Variants in NRXN1 observed in about 807,000 individuals in gnomAD.
The protein encoded by NRXN1 is neurexin 1.
A neutral mutation model predicts 150.9 loss-of-function variants in NRXN1; 39 were observed. That is an observed-to-expected ratio of 0.26 (90% CI 0.20 to 0.34). The LOEUF is 0.34. Among genes scored for constraint, NRXN1 ranks in the 10% least tolerant of loss-of-function variants. NRXN1 has a pLI of 1.00. For missense variants in NRXN1, 1,815 were observed against 1,949.9 expected (o/e 0.93, Z 1.30); for synonymous variants, 924 against 757.0 (o/e 1.22, Z -3.62).
At chr2:50,751,275 C>T (rs1224980814) in intron 5 of NRXN1, among the ~76,000 whole-genome samples, 1 of 151,988 alleles carries the variant, frequency 6.6e-6, no homozygotes, top group Non-Finnish European at 1.5e-5. Flanking sequence ...TTACATACTA[C>T]TATATACAGC....
At chr2:50,100,550 G>A (rs1302945278) in intron 18 of NRXN1, among the ~76,000 whole-genome samples, 1 of 151,970 alleles carries the variant, frequency 6.6e-6, no homozygotes, top group African/African-American at 2.4e-5. Flanking sequence ...GCCAATACTG[G>A]ATTATTCTTT....
intron 17 of NRXN1, among the ~76,000 whole-genome samples, chr2:50,290,525 T>C (rs572158057): frequency 1.3e-5 from 2 of 152,258 alleles, no homozygotes; most frequent in South Asian, 4.1e-4. Context: ...TTCTTTCTTA[T>C]TAATAAACTG....
At chr2:50,425,332 C>A (rs182388317) in intron 17 of NRXN1, among the ~76,000 whole-genome samples, 1 of 152,132 alleles carries the variant, frequency 6.6e-6, no homozygotes, top group Non-Finnish European at 1.5e-5. Context: ...TTAACCTACA[C>A]GTCTGGATAT....
At chr2:50,203,896 T>G (rs1211863907) in intron 18 of NRXN1, among the ~76,000 whole-genome samples, 1 of 152,122 alleles carries the variant, frequency 6.6e-6, no homozygotes, top group Non-Finnish European at 1.5e-5. Flanking sequence ...TGAGTTTTCC[T>G]GGGGAAAAAC....
chr2:51,015,948 C>T (rs1052120548), intron 2 of NRXN1, among the ~76,000 whole-genome samples: 2 of 152,024 alleles, frequency 1.3e-5, no homozygotes, highest in African/African-American at 4.8e-5. Context: ...AAGCTGGAGG[C>T]ATCAAGCTAC....
chr2:50,391,822 AT>A (rs1391660418), intron 17 of NRXN1, among the ~76,000 whole-genome samples: 1 of 152,128 alleles, frequency 6.6e-6, no homozygotes, highest in African/African-American at 2.4e-5. Flanking sequence ...ATTGAAAGTA[AT>A]TTCCTCAATT....
chr2:50,897,374 G>T (rs1374052277), intron 5 of NRXN1, among the ~76,000 whole-genome samples: 1 of 152,072 alleles, frequency 6.6e-6, no homozygotes, highest in African/African-American at 2.4e-5. Context: ...AGTGATACCA[G>T]GACCATTCTA....
chr2:50,143,706 G>C (rs1707597976), intron 18 of NRXN1, among the ~76,000 whole-genome samples: 1 of 151,746 alleles, frequency 6.6e-6, no homozygotes. Context: ...TCCATAGTCT[G>C]GCTTTACCCT....
chr2:50,766,445 G>C (rs781053688), intron 5 of NRXN1, among the ~76,000 whole-genome samples: 1 of 152,024 alleles, frequency 6.6e-6, no homozygotes, highest in African/African-American at 2.4e-5. Context: ...CTCAGTGATT[G>C]GCAGGAGCTT....
intron 17 of NRXN1, among the ~76,000 whole-genome samples, chr2:50,329,657 ATATATATATATATATAT>A (rs1465816975): frequency 0.016 from 276 of 17,394 alleles, 20 homozygotes; most frequent in East Asian, 0.029. Flanking sequence ...ATATATATAT[ATATATATATATATATAT>A]TTTTTTTTTT....
intron 5 of NRXN1, among the ~76,000 whole-genome samples, chr2:50,907,191 A>C (rs917098407): frequency 9.9e-5 from 15 of 151,942 alleles, no homozygotes; most frequent in African/African-American, 3.6e-4. Flanking sequence ...AAAACCAAAA[A>C]AAAAAACAAA....
At chr2:50,423,671 C>A (rs2084184598) in intron 17 of NRXN1, among the ~76,000 whole-genome samples, 1 of 151,906 alleles carries the variant, frequency 6.6e-6, no homozygotes. Flanking sequence ...AGATAACCCA[C>A]CCACCAAGAG....
At chr2:50,142,298 T>G (rs1283538640) in intron 18 of NRXN1, among the ~76,000 whole-genome samples, 1 of 151,762 alleles carries the variant, frequency 6.6e-6, no homozygotes, top group Non-Finnish European at 1.5e-5. Flanking sequence ...TACCAGAGGC[T>G]GAGAAGGGTG....
At chr2:49,935,971 G>A (rs1670955922) in intron 22 of NRXN1, among the ~76,000 whole-genome samples, 1 of 152,150 alleles carries the variant, frequency 6.6e-6, no homozygotes, top group Non-Finnish European at 1.5e-5. Context: ...CAGGACATGT[G>A]CCATACTGTT....
intron 18 of NRXN1, among the ~76,000 whole-genome samples, chr2:50,184,312 A>G (rs2060927432): frequency 6.6e-6 from 1 of 152,030 alleles, no homozygotes; most frequent in Admixed American, 6.6e-5. Context: ...AGACATTTTC[A>G]GGGCCGAAAT....
intron 21 of NRXN1, among the ~76,000 whole-genome samples, chr2:50,036,014 C>T (rs1164150323): frequency 3.3e-5 from 5 of 152,090 alleles, no homozygotes; most frequent in Admixed American, 2.6e-4. Context: ...ATGAATAGCA[C>T]AACCTTTACC....
intron 5 of NRXN1, among the ~76,000 whole-genome samples, chr2:50,878,488 T>C (rs1678942223): frequency 6.6e-6 from 1 of 151,966 alleles, no homozygotes; most frequent in Non-Finnish European, 1.5e-5. Context: ...GTTTCTATTT[T>C]GTTTTTGTTT....
At chr2:50,596,863 C>CTTTTTTTTTTTTTTT (rs3053104) in intron 8 of NRXN1, among the ~76,000 whole-genome samples, 2 of 92,152 alleles carry the variant, frequency 2.2e-5, no homozygotes, top group Admixed American at 1.3e-4. Context: ...ATTCCTAGGA[C>CTTTTTTTTTTTTTTT]TTTTTTTTTT....
intron 21 of NRXN1, among the ~76,000 whole-genome samples, chr2:50,033,969 G>GAAAAAAAA (rs61264442): frequency 9.1e-6 from 1 of 109,936 alleles, no homozygotes. Context: ...TTAAAAAGTG[G>GAAAAAAAA]AAAAAAAAAA....
Sources: allele counts gnomAD v4.1 joint callset (sites outside exome capture counted in the v4.1 genomes callset), GRCh38; gene constraint gnomAD v4.1.1; transcripts MANE v1.5; gene names NCBI Gene and HGNC (gene_info 2026-07-23, HGNC 2026-07-21).